The following SAMD5 variants were observed in gnomAD, a reference collection of about 807,000 sequenced individuals.
The protein encoded by SAMD5 is sterile alpha motif domain containing 5.
Under a neutral mutation model 11.3 loss-of-function variants are expected in SAMD5, and 13 were observed. The ratio of observed to expected loss-of-function variants is 1.15; its 90% CI spans 0.75 to 1.83. The LOEUF (loss-of-function observed/expected upper bound fraction) is 1.83. Among genes scored for constraint, SAMD5 ranks in the 40% most tolerant of loss-of-function variants. SAMD5 has a pLI of 0.00. For synonymous variants in SAMD5, 129 were observed against 111.3 expected (o/e 1.16, Z -1.00); for missense variants, 255 against 239.1 (o/e 1.07, Z -0.44).
chr6:147,625,823 A>T (rs1790042314), intron 1 of SAMD5, among the ~76,000 whole-genome samples: 1 of 152,178 alleles, frequency 6.6e-6, no homozygotes, highest in Admixed American at 6.5e-5. Flanking sequence ...CTGGCCCCTA[A>T]GGCATTGTGG....
At chr6:147,693,479 G>A (rs1791132892) in intron 1 of SAMD5, among the ~76,000 whole-genome samples, 1 of 152,248 alleles carries the variant, frequency 6.6e-6, no homozygotes, top group Admixed American at 6.5e-5. Flanking sequence ...GCAGAGAGGG[G>A]AGGAGAGAAA....
chr6:147,740,054 G>A (rs942685645), downstream of SAMD5, among the ~76,000 whole-genome samples: 7 of 152,054 alleles, frequency 4.6e-5, no homozygotes, highest in African/African-American at 7.2e-5. Context: ...TCCTGATGTC[G>A]TGATCTGCCT....
the SAMD5 span, among the ~76,000 whole-genome samples, chr6:147,789,986 G>T: frequency 2.6e-5 from 4 of 152,198 alleles, no homozygotes; most frequent in Non-Finnish European, 5.9e-5. Context: ...TTCATTGCTG[G>T]TGGGAGTGCA....
the SAMD5 span, among the ~76,000 whole-genome samples, chr6:147,914,483 T>TC: frequency 6.6e-6 from 1 of 152,108 alleles, no homozygotes; most frequent in Non-Finnish European, 1.5e-5. Context: ...AATTCATGCC[T>TC]CCCTGTCAAT....
At chr6:147,540,777 G>GA (rs35935004) in intron 1 of SAMD5, among the ~76,000 whole-genome samples, 114,784 of 148,112 alleles carry the variant, frequency 0.77, 45,191 homozygotes, top group East Asian at 0.98. Context: ...CAGAGAGAGA[G>GA]GGGGGGGGTC....
the SAMD5 span, chr6:147,953,721 TTATATG>T: frequency 6.6e-6 from 1 of 152,306 alleles, no homozygotes; most frequent in East Asian, 1.9e-4. Flanking sequence ...ATGTAAATAT[TTATATG>T]TGTAATGTGT....
the SAMD5 span, among the ~76,000 whole-genome samples, chr6:147,947,765 C>T: frequency 4.1e-4 from 62 of 152,282 alleles, 3 homozygotes; most frequent in South Asian, 0.012. Flanking sequence ...TTGATGAAAA[C>T]TTGCCTTCCA....
chr6:147,783,452 G>A, the SAMD5 span, among the ~76,000 whole-genome samples: 1 of 151,934 alleles, frequency 6.6e-6, no homozygotes, highest in East Asian at 1.9e-4. Flanking sequence ...AGCGTGCAGT[G>A]GCACAATCTC....
At chr6:147,540,112 T>C (rs1322979161) in intron 1 of SAMD5, among the ~76,000 whole-genome samples, 1 of 152,050 alleles carries the variant, frequency 6.6e-6, no homozygotes. Context: ...TTTTACAAGA[T>C]TTAGAATGTC....
At chr6:147,746,523 A>G in the SAMD5 span, among the ~76,000 whole-genome samples, 1 of 152,200 alleles carries the variant, frequency 6.6e-6, no homozygotes, top group African/African-American at 2.4e-5. Flanking sequence ...TAATCTGTAG[A>G]CTAGAAATGC....
At chr6:147,524,978 A>C (rs1255858808) in intron 1 of SAMD5, among the ~76,000 whole-genome samples, 1 of 152,030 alleles carries the variant, frequency 6.6e-6, no homozygotes. Context: ...AAAGTCACAT[A>C]ATTAGAAAAT....
chr6:147,584,356 G>A lies in SAMD5; in HGVS notation c.162+74969G>A, dbSNP rs185408106. On this transcript the variant is annotated intron_variant, in intron 1 of 1. Coordinates refer to the SAMD5 transcript ENST00000566741. ...CTTTATCTTGTATTATATTGATGAG[G>A]AAATTCTTTAATCTTTGTGATTTGA... Among the ~76,000 whole-genome samples, 69 of 152,254 alleles carry A rather than the reference G, an allele frequency of 4.5e-4. 1 individual carries two copies. In the South Asian group the frequency reaches 6.6e-3, roughly 15 times the overall value.
chr6:147,525,703 C>A (rs773805466), intron 1 of SAMD5, among the ~76,000 whole-genome samples: 1 of 152,028 alleles, frequency 6.6e-6, no homozygotes. Flanking sequence ...GAAATCAACA[C>A]CTATGTCACA....
chr6:147,954,629 C>T, the SAMD5 span, among the ~76,000 whole-genome samples: 3 of 147,770 alleles, frequency 2.0e-5, no homozygotes, highest in East Asian at 5.8e-4. Flanking sequence ...TACATGTTTA[C>T]CATTTTTAAC....
At chr6:147,621,825 A>G (rs752106818) in intron 1 of SAMD5, among the ~76,000 whole-genome samples, 1 of 152,144 alleles carries the variant, frequency 6.6e-6, no homozygotes, top group African/African-American at 2.4e-5. Context: ...AACCAGCTAG[A>G]GTTCTGATGT....
At position 147,564,649 on chromosome 6, in the gene SAMD5, T is replaced by C. The variant is rs758220793; in HGVS notation, c.*193T>C. On this transcript the variant is annotated 3_prime_UTR_variant, in exon 2 of 2. Transcript: ENST00000367474. Reference sequence around the variant, plus strand: ...GTAACTGGCTTATAACAGCTAGAAATAAGGCAGTGAACTATCACGCATAAA... The same window carrying C: ...GTAACTGGCTTATAACAGCTAGAAACAAGGCAGTGAACTATCACGCATAAA... 8.0e-6 allele frequency: 11 copies of C among 1,371,792 alleles called. No individual in the cohort carries two copies. Among genetic ancestry groups the C allele is most frequent in the Non-Finnish European group, 1.0e-5 (11 of 1,062,370 alleles). The allele number at this position is 1,371,792 out of a possible 1,614,324, so 85.0% of individuals were successfully genotyped here. A position where few individuals can be genotyped will look rare whatever the true frequency, so the allele number is the denominator to read the frequency against.
chr6:147,810,131 T>C, the SAMD5 span, among the ~76,000 whole-genome samples: 1 of 152,226 alleles, frequency 6.6e-6, no homozygotes, highest in African/African-American at 2.4e-5. Context: ...CTAGAAGACC[T>C]TTTACGATGA....
intron 1 of SAMD5, among the ~76,000 whole-genome samples, chr6:147,599,958 G>A (rs1478514612): frequency 6.6e-6 from 1 of 152,044 alleles, no homozygotes; most frequent in Non-Finnish European, 1.5e-5. Context: ...ACCAAGAGGT[G>A]TGTATGGGAC....
At chr6:147,926,443 T>C in the SAMD5 span, among the ~76,000 whole-genome samples, 5 of 146,164 alleles carry the variant, frequency 3.4e-5, no homozygotes, top group African/African-American at 1.0e-4. Flanking sequence ...TCCATAATAT[T>C]GAGCTTTTTC....
Sources: gnomAD v4.1 joint callset for allele counts (sites outside exome capture counted in the v4.1 genomes callset) on GRCh38, gnomAD v4.1.1 for gene constraint, MANE v1.5 for transcripts, NCBI Gene and HGNC (gene_info 2026-07-23, HGNC 2026-07-21) for gene names.